STYXL2: variants seen among roughly 807,000 people sequenced by gnomAD.
STYXL2 encodes serine/threonine/tyrosine-interacting-like protein 2.
STYXL2 carries 44 observed loss-of-function variants against 52.4 expected under a neutral mutation model. The ratio of observed to expected loss-of-function variants is 0.84; its 90% confidence interval spans 0.66 to 1.08. STYXL2 has a LOEUF of 1.08. Ranked by LOEUF, STYXL2 falls within the 50% of genes least tolerant of loss-of-function variation. The pLI is 0.00. For missense variants in STYXL2, 1,604 were observed against 1,471.7 expected (o/e 1.09, Z -1.47); for synonymous variants, 604 against 586.9 (o/e 1.03, Z -0.42).
At position 167,127,005 on chromosome 1, in the gene STYXL2, G is replaced by C. The variant is rs747073864; in HGVS notation, c.1874G>C (p.Arg625Pro). ...EDSALAKKRQ[R>P]RLELLERSRQ... ...TCGGCCTTGGCTAAGAAGAGACAACGGAGGCTGGAGCTGCTGGAGAGAAGC... is the reference window on the plus strand; with the variant it reads ...TCGGCCTTGGCTAAGAAGAGACAACCGAGGCTGGAGCTGCTGGAGAGAAGC... Residue 625 changes from arginine to proline, a missense_variant, in exon 6 of 6, where the codon CGG (arginine) becomes CCG (proline). Arg to Pro is a moderately radical substitution (Grantham distance 103). Coordinates refer to ENST00000361200, the MANE Select transcript of STYXL2 (RefSeq NM_001080426.3). The C allele has an allele frequency of 1.9e-6, 3 of 1,607,226 alleles. No homozygotes were observed. The highest frequency in any genetic ancestry group is 2.6e-6 in the Non-Finnish European group (3 of 1,176,088).
At chr1:167,120,094 A>G (rs1331945242) in intron 5 of STYXL2, among the ~76,000 whole-genome samples, 1 of 152,180 alleles carries the variant, frequency 6.6e-6, no homozygotes, top group African/African-American at 2.4e-5. Flanking sequence ...CCTTGATCTG[A>G]TTTATGTTTT....
chr1:167,125,883 C>T lies in STYXL2; in HGVS notation c.752C>T (p.Ala251Val), dbSNP rs1428076186. The T allele has an allele frequency of 1.2e-6, 2 of 1,614,036 alleles. No homozygotes were observed. The highest frequency in any genetic ancestry group is 1.7e-6 in the Non-Finnish European group (2 of 1,180,040). The change falls in exon 6 of 6, where the codon GCT becomes GTT. Residue 251 changes from alanine to valine, a missense_variant. By Grantham distance (64) the Ala-to-Val change is moderately conservative (BLOSUM62 0). Coordinates refer to ENST00000361200, the MANE Select transcript of STYXL2 (RefSeq NM_001080426.3). ...TTCCACAACATGGCCATCCTGGAGG[C>T]TTTGATGACCGTGCGTAAGAAGCGG... ...MIFHNMAILE[A>V]LMTVRKKRAI...
chr1:167,124,750 G>A (rs765215931), intron 5 of STYXL2, among the ~76,000 whole-genome samples: 7 of 152,134 alleles, frequency 4.6e-5, no homozygotes, highest in African/African-American at 7.2e-5. Flanking sequence ...TTTAAAAAAC[G>A]TTTTACAGGT....
intron 2 of STYXL2, among the ~76,000 whole-genome samples, chr1:167,106,953 A>G (rs1667516467): frequency 2.6e-5 from 4 of 152,168 alleles, no homozygotes; most frequent in Admixed American, 2.6e-4. Flanking sequence ...CCCAAAACTT[A>G]ATGACTAAGG....
At chr1:167,123,140 C>T (rs1667892653) in intron 5 of STYXL2, among the ~76,000 whole-genome samples, 1 of 152,160 alleles carries the variant, frequency 6.6e-6, no homozygotes, top group African/African-American at 2.4e-5. Flanking sequence ...TGTGAAGAGG[C>T]CCCCTAGAGT....
At chr1:167,101,474 A>G (rs1667401624) in intron 2 of STYXL2, among the ~76,000 whole-genome samples, 1 of 152,168 alleles carries the variant, frequency 6.6e-6, no homozygotes, top group African/African-American at 2.4e-5. Context: ...ACATGATCCC[A>G]TCATTCTACT....
At chr1:167,098,200 C>T (rs189661554) in intron 2 of STYXL2, among the ~76,000 whole-genome samples, 32 of 151,950 alleles carry the variant, frequency 2.1e-4, no homozygotes, top group South Asian at 6.3e-4. Context: ...TTAGTAGAGA[C>T]GGGGTTTCAC....
At chr1:167,110,299 A>G (rs112073914) in intron 2 of STYXL2, among the ~76,000 whole-genome samples, 25,536 of 152,190 alleles carry the variant, frequency 0.17, 2,388 homozygotes, top group Middle Eastern at 0.22. Context: ...AATTCTGGCA[A>G]CATGACAAAG....
intron 2 of STYXL2, among the ~76,000 whole-genome samples, chr1:167,113,244 A>G (rs75819555): frequency 1.2e-4 from 19 of 152,288 alleles, no homozygotes; most frequent in African/African-American, 3.8e-4. Context: ...AACAGGGAGA[A>G]GGAATGGAGA....
At position 167,117,576 on chromosome 1, in the gene STYXL2, T is replaced by G; in HGVS notation, c.437+17T>G. The G allele has an allele frequency of 6.4e-7, 1 of 1,566,122 alleles. No individual in the cohort carries two copies. Among genetic ancestry groups the G allele is most frequent in the Non-Finnish European group, 8.7e-7 (1 of 1,152,598 alleles). On this transcript the variant is annotated intron_variant, in intron 4 of 5. Coordinates refer to ENST00000361200, the MANE Select transcript of STYXL2 (RefSeq NM_001080426.3). Reference sequence around the variant, plus strand: ...AGCTGAGAAGTGAGTCTGACTGCTCTTCATGACCCTTTGTCCTAACCCTCT... The same window carrying G: ...AGCTGAGAAGTGAGTCTGACTGCTCGTCATGACCCTTTGTCCTAACCCTCT...
rs1348544299 is a variant in STYXL2, at chr1:167,126,994, G to T, written c.1863G>T (p.Lys621Asn). Residue 621 changes from lysine (K) to asparagine (N), a missense_variant, in exon 6 of 6, where the codon AAG (lysine) becomes AAT (asparagine). By Grantham distance (94) the Lys-to-Asn change is moderately conservative. Coordinates refer to ENST00000361200, the MANE Select transcript of STYXL2 (RefSeq NM_001080426.3). Reference protein sequence around the residue: ...LSKGEDSALAKKRQRRLELLE... With the variant: ...LSKGEDSALANKRQRRLELLE... ...AGGGGGAGGACTCGGCCTTGGCTAA[G>T]AAGAGACAACGGAGGCTGGAGCTGC... is the stretch of plus-strand genomic sequence containing the variant. 1 of 1,608,348 alleles carries T rather than the reference G, an allele frequency of 6.2e-7. No homozygotes were observed. Among genetic ancestry groups the T allele is most frequent in the Non-Finnish European group, 8.5e-7 (1 of 1,176,852 alleles).
intron 5 of STYXL2, among the ~76,000 whole-genome samples, 181 bp downstream of exon 5, chr1:167,119,647 C>T (rs1212979515): frequency 6.6e-6 from 1 of 152,160 alleles, no homozygotes; most frequent in African/African-American, 2.4e-5. Context: ...TTACTGAGTG[C>T]CTAGCAAGTG....
At chr1:167,116,122 C>T (rs962947949) in intron 3 of STYXL2, among the ~76,000 whole-genome samples, 8 of 151,892 alleles carry the variant, frequency 5.3e-5, no homozygotes, top group Non-Finnish European at 1.2e-4. Context: ...AGCTTCTTTT[C>T]TCTCTCTCTC....
chr1:167,097,690 TA>T (rs139851555), intron 2 of STYXL2, among the ~76,000 whole-genome samples: 45 of 147,270 alleles, frequency 3.1e-4, no homozygotes, highest in South Asian at 8.7e-4. Flanking sequence ...AACTATAGGT[TA>T]AAAAAAAAAG....
At chr1:167,100,223 G>A (rs1442390971) in intron 2 of STYXL2, among the ~76,000 whole-genome samples, 1 of 152,188 alleles carries the variant, frequency 6.6e-6, no homozygotes, top group Non-Finnish European at 1.5e-5. Context: ...AGTCCCCCAA[G>A]AGCAAGAACT....
chr1:167,094,781 C>T (rs946134297), intron 1 of STYXL2, 53 bp from the exon 2 acceptor site: 9 of 1,323,162 alleles, frequency 6.8e-6, no homozygotes, highest in East Asian at 2.5e-5. Context: ...TCTCCCCCAA[C>T]AAAACCTCAG....
chr1:167,103,110 T>G (rs1208309856), intron 2 of STYXL2, among the ~76,000 whole-genome samples: 1 of 152,182 alleles, frequency 6.6e-6, no homozygotes, highest in Admixed American at 6.5e-5. Context: ...TGTGGCAGCA[T>G]AATTCCAATC....
intron 3 of STYXL2, 151 bp from the exon 4 acceptor site, chr1:167,117,177 C>T: frequency 1.5e-6 from 1 of 675,788 alleles, no homozygotes; most frequent in Non-Finnish European, 2.5e-6. Context: ...TACCCTGGGC[C>T]CAATTAAAGT....
chr1:167,099,498 T>C (rs554626542), intron 2 of STYXL2, among the ~76,000 whole-genome samples: 3 of 152,364 alleles, frequency 2.0e-5, no homozygotes, highest in Admixed American at 6.5e-5. Context: ...CAGAACATGT[T>C]ATCTGAACAT....
Sources: allele counts gnomAD v4.1 joint callset (sites outside exome capture counted in the v4.1 genomes callset), GRCh38; gene constraint gnomAD v4.1.1; transcripts MANE v1.5; gene names NCBI Gene and HGNC (gene_info 2026-07-23, HGNC 2026-07-21).